The following PCMT1 variants were observed in gnomAD, a reference collection of about 807,000 sequenced individuals.
The protein encoded by PCMT1 is protein-L-isoaspartate (D-aspartate) O-methyltransferase, also known as protein-L-isoaspartate(D-aspartate) O-methyltransferase.
In PCMT1, 9 loss-of-function variants were observed where a neutral mutation model predicts 29.2. That is an observed-to-expected ratio of 0.31 (90% CI 0.19 to 0.54). The LOEUF (loss-of-function observed/expected upper bound fraction) is 0.54, where lower values mean the gene tolerates loss of function less well. Among genes scored for constraint, PCMT1 ranks in the 20% least tolerant of loss-of-function variants. The pLI is 0.95. For synonymous variants in PCMT1, 98 were observed against 97.5 expected (o/e 1.00, Z -0.03); for missense variants, 184 against 282.2 (o/e 0.65, Z 2.49).
chr6:149,768,138 C>A (rs1787168421), intron 1 of PCMT1, among the ~76,000 whole-genome samples: 1 of 152,086 alleles, frequency 6.6e-6, no homozygotes, highest in African/African-American at 2.4e-5. Flanking sequence ...GTTGCCCAGG[C>A]TGGAGTACAG....
At chr6:149,759,138 G>C (rs1195048597) in intron 1 of PCMT1, among the ~76,000 whole-genome samples, 1 of 152,196 alleles carries the variant, frequency 6.6e-6, no homozygotes, top group Non-Finnish European at 1.5e-5. Flanking sequence ...GCCTCCCAAA[G>C]TGCTGGGATT....
At chr6:149,751,518 G>A (rs1451423937) in intron 1 of PCMT1, among the ~76,000 whole-genome samples, 1 of 123,990 alleles carries the variant, frequency 8.1e-6, no homozygotes, top group Non-Finnish European at 1.6e-5. Context: ...GACTCCCTCT[G>A]TAGCCCAGAC....
intron 7 of PCMT1, among the ~76,000 whole-genome samples, chr6:149,803,956 C>T (rs1194099961): frequency 1.3e-5 from 2 of 151,576 alleles, no homozygotes; most frequent in African/African-American, 4.8e-5. Context: ...TGGCTTGCAT[C>T]TGTAGTCCCA....
intron 3 of PCMT1, among the ~76,000 whole-genome samples, chr6:149,782,764 AC>A (rs201851984): frequency 2.9e-4 from 44 of 152,128 alleles, no homozygotes; most frequent in Middle Eastern, 3.4e-3. Context: ...TTAAAAAAAA[AC>A]AAAAAGAGCA....
chr6:149,771,000 G>GA (rs919469442), intron 1 of PCMT1, among the ~76,000 whole-genome samples, 162 bp from the exon 2 acceptor site: 141 of 144,056 alleles, frequency 9.8e-4, no homozygotes, highest in African/African-American at 2.5e-3. Flanking sequence ...CTCTGTCTCA[G>GA]AAAAAAAAAA....
chr6:149,758,208 C>CTTTTTTTTTTTTTTTTT (rs756014067), intron 1 of PCMT1, among the ~76,000 whole-genome samples: 36 of 73,880 alleles, frequency 4.9e-4, no homozygotes, highest in African/African-American at 9.5e-4. Context: ...TTCTTTCTTT[C>CTTTTTTTTTTTTTTTTT]TTTTTTTTTT....
intron 1 of PCMT1, among the ~76,000 whole-genome samples, chr6:149,770,886 C>T (rs894164039): frequency 6.6e-6 from 1 of 151,464 alleles, no homozygotes; most frequent in Non-Finnish European, 1.5e-5. Context: ...GTAGTCCCAG[C>T]TACTCGGGAG....
rs926992916 is a variant in PCMT1 at position 149,811,336 on chromosome 6, T to C, written c.*758T>C. 1 of 152,778 alleles carries C rather than the reference T, an allele frequency of 6.5e-6. No homozygotes were observed. Among genetic ancestry groups the C allele is most frequent in the Non-Finnish European group, 1.5e-5 (1 of 68,060 alleles). The allele number at this position is 152,778 out of a possible 1,614,324, so 9.5% of individuals were successfully genotyped here. A position where few individuals can be genotyped will look rare whatever the true frequency, so the allele number is the denominator to read the frequency against. On this transcript the variant is annotated 3_prime_UTR_variant, in exon 8 of 8. Transcript: ENST00000464889. ...TTTGCTGCTGATAATGTATATGAACTTAACATGCTGTGTAAGCTGTGTCCT... is the reference window on the plus strand; with the variant it reads ...TTTGCTGCTGATAATGTATATGAACCTAACATGCTGTGTAAGCTGTGTCCT...
At chr6:149,795,316 A>G (rs1209626328) in intron 5 of PCMT1, 2 of 389,250 alleles carry the variant, frequency 5.1e-6, no homozygotes, top group Non-Finnish European at 4.9e-6. Flanking sequence ...AGATGGTTCC[A>G]TTAGCAGTAC....
chr6:149,761,873 T>C (rs1349011000), intron 1 of PCMT1, among the ~76,000 whole-genome samples: 1 of 152,194 alleles, frequency 6.6e-6, no homozygotes, highest in African/African-American at 2.4e-5. Flanking sequence ...AAGTTGAAAA[T>C]CAGTAGCCAT....
intron 1 of PCMT1, among the ~76,000 whole-genome samples, chr6:149,754,364 G>A (rs117521889): frequency 4.3e-4 from 65 of 152,234 alleles, no homozygotes; most frequent in Non-Finnish European, 7.1e-4. Context: ...ATTTGAAACC[G>A]TGAGCCTGCT....
At chr6:149,801,080 C>G (rs1011048418) in intron 6 of PCMT1, among the ~76,000 whole-genome samples, 3 of 152,178 alleles carry the variant, frequency 2.0e-5, no homozygotes, top group African/African-American at 7.2e-5. Context: ...AAAGTATGTA[C>G]AGGGTGAGTA....
At position 149,802,286 on chromosome 6, in the gene PCMT1, G is replaced by T; in HGVS notation, c.591G>T (p.Lys197Asn). The T allele has an allele frequency of 6.2e-7, 1 of 1,613,746 alleles. No homozygotes were observed. The highest frequency in any genetic ancestry group is 8.5e-7 in the Non-Finnish European group (1 of 1,179,784). The change falls in exon 7 of 8, where the codon AAG (lysine) becomes AAT (asparagine). Residue 197 changes from lysine to asparagine, a missense_variant. Lys to Asn is a moderately conservative substitution (Grantham distance 94). Transcript: ENST00000464889. ...GGNQMLEQYD[K>N]LQDGSIKMKP... ...ACCAAATGTTGGAGCAGTATGACAA[G>T]CTACAAGATGGCAGCATCAAAATGA...
At chr6:149,794,103 A>G (rs1285687283) in intron 5 of PCMT1, among the ~76,000 whole-genome samples, 2 of 152,040 alleles carry the variant, frequency 1.3e-5, no homozygotes, top group African/African-American at 4.8e-5. Flanking sequence ...AGACTTACCA[A>G]TTTTTTTCAG....
At chr6:149,781,961 T>C (rs1787834815) in intron 3 of PCMT1, among the ~76,000 whole-genome samples, 2 of 152,250 alleles carry the variant, frequency 1.3e-5, no homozygotes, top group South Asian at 4.1e-4. Flanking sequence ...TCTATGAATT[T>C]GGTTCCTCTA....
At chr6:149,806,127 A>G (rs141906692) in intron 7 of PCMT1, among the ~76,000 whole-genome samples, 1 of 152,194 alleles carries the variant, frequency 6.6e-6, no homozygotes, top group Non-Finnish European at 1.5e-5. Context: ...AATTCAACCA[A>G]TATGCATATG....
intron 7 of PCMT1, among the ~76,000 whole-genome samples, chr6:149,803,052 C>CAAAAAAAAAAAAAAAA (rs60853264): frequency 7.1e-5 from 5 of 70,572 alleles, no homozygotes; most frequent in Non-Finnish European, 1.1e-4. Context: ...GGCTCTGTCT[C>CAAAAAAAAAAAAAAAA]AAAAAAAAAA....
At chr6:149,802,138 T>TAAATA (rs763302036) in intron 6 of PCMT1, 62 bp from the exon 7 acceptor site, 7 of 1,235,878 alleles carry the variant, frequency 5.7e-6, no homozygotes, top group Non-Finnish European at 6.7e-6. Flanking sequence ...CAAAAATAAA[T>TAAATA]AAATAAAATA....
At chr6:149,791,647 C>T (rs975011962) in intron 4 of PCMT1, among the ~76,000 whole-genome samples, 4 of 152,122 alleles carry the variant, frequency 2.6e-5, no homozygotes, top group African/African-American at 9.7e-5. Flanking sequence ...TGATGGTATC[C>T]TAAACATCTA....
Sources: gnomAD v4.1 joint callset for allele counts (sites outside exome capture counted in the v4.1 genomes callset) on GRCh38, gnomAD v4.1.1 for gene constraint, MANE v1.5 for transcripts, NCBI Gene and HGNC (gene_info 2026-07-23, HGNC 2026-07-21) for gene names.